SERGEF: variants seen among roughly 807,000 people sequenced by gnomAD.
SERGEF encodes the protein secretion regulating guanine nucleotide exchange factor, also known as secretion-regulating guanine nucleotide exchange factor.
SERGEF carries 51 observed loss-of-function variants against 50.0 expected under a neutral mutation model. The ratio of observed to expected loss-of-function variants is 1.02; its 90% CI spans 0.81 to 1.29. SERGEF has a LOEUF of 1.29. SERGEF is among the 50% of genes most tolerant of loss of function. SERGEF has a pLI of 0.00. For missense variants in SERGEF, 521 were observed against 557.0 expected, an observed-to-expected ratio of 0.94 and a Z score of 0.65; for synonymous variants, 205 against 212.4, an observed-to-expected ratio of 0.97 and a Z score of 0.30.
intron 9 of SERGEF, among the ~76,000 whole-genome samples, chr11:17,885,963 G>C (rs1851421104): frequency 6.6e-6 from 1 of 152,106 alleles, no homozygotes; most frequent in Non-Finnish European, 1.5e-5. Flanking sequence ...TCTCCTTTGT[G>C]CTTTTAACAG....
intron 10 of SERGEF, among the ~76,000 whole-genome samples, chr11:17,846,147 T>C (rs1360616217): frequency 6.6e-6 from 1 of 152,200 alleles, no homozygotes; most frequent in Non-Finnish European, 1.5e-5. Flanking sequence ...ATTCTCAAGG[T>C]TGGTGGTGCC....
At chr11:17,977,550 A>C (rs1326661008) in intron 8 of SERGEF, among the ~76,000 whole-genome samples, 1 of 152,202 alleles carries the variant, frequency 6.6e-6, no homozygotes, top group Non-Finnish European at 1.5e-5. Context: ...CTCCCCCAGA[A>C]GCTTTCTCCA....
intron 4 of SERGEF, among the ~76,000 whole-genome samples, chr11:18,003,761 C>A (rs1053144010): frequency 2.6e-5 from 4 of 152,030 alleles, no homozygotes; most frequent in Non-Finnish European, 4.4e-5. Flanking sequence ...AAATAACAGG[C>A]AAATCTATAG....
At chr11:17,985,826 A>G (rs1853583172) in intron 8 of SERGEF, among the ~76,000 whole-genome samples, 1 of 152,220 alleles carries the variant, frequency 6.6e-6, no homozygotes, top group African/African-American at 2.4e-5. Context: ...CTAAGCACCT[A>G]CCACTGGGGA....
At chr11:17,983,008 T>C (rs1853522143) in intron 8 of SERGEF, among the ~76,000 whole-genome samples, 1 of 152,230 alleles carries the variant, frequency 6.6e-6, no homozygotes, top group African/African-American at 2.4e-5. Flanking sequence ...AGTTGCTTCT[T>C]CCATCATTGA....
Position 18,012,987 on chromosome 11 carries a change from C to G in SERGEF, c.24G>C (p.Ser8=), listed in dbSNP as rs1854233376. The part of the protein sequence containing the change: MEREPSA[S]EAAPAAAALF... ...GCGCGGCCGCCGCGGGGGCGGCCTC[C>G]GAGGCGCTGGGCTCGCGCTCCATGC... is the stretch of plus-strand genomic sequence containing the variant. Residue 8 remains serine, a synonymous_variant, in exon 1 of 11, where the codon TCG becomes TCC. Coordinates refer to ENST00000265965, the MANE Select transcript of SERGEF (RefSeq NM_012139.4). The G allele has an allele frequency of 6.8e-7, 1 of 1,462,156 alleles. No homozygotes were observed. The highest frequency in any genetic ancestry group is 9.0e-7 in the Non-Finnish European group (1 of 1,116,908). 90.6% of individuals were successfully genotyped at this position (1,462,156 alleles called of 1,614,324 possible). A position where few individuals can be genotyped will look rare whatever the true frequency, so the allele number is the denominator to read the frequency against.
At chr11:17,915,859 C>T (rs1237197847) in intron 9 of SERGEF, among the ~76,000 whole-genome samples, 1 of 152,190 alleles carries the variant, frequency 6.6e-6, no homozygotes, top group Admixed American at 6.5e-5. Flanking sequence ...CAATGCCAGG[C>T]TACATGGGAA....
chr11:18,005,607 T>C (rs887685807), intron 3 of SERGEF, among the ~76,000 whole-genome samples: 4 of 152,156 alleles, frequency 2.6e-5, no homozygotes, highest in Admixed American at 2.6e-4. Context: ...CAAAGGACCG[T>C]GGCAAAGAGG....
chr11:17,944,687 T>C (rs370027741), intron 9 of SERGEF, among the ~76,000 whole-genome samples: 2 of 152,340 alleles, frequency 1.3e-5, no homozygotes, highest in African/African-American at 4.8e-5. Flanking sequence ...GGAATTGAGA[T>C]GAGATTCAAT....
chr11:17,989,708 A>G (rs929440597), intron 7 of SERGEF, among the ~76,000 whole-genome samples: 1 of 152,240 alleles, frequency 6.6e-6, no homozygotes, highest in Non-Finnish European at 1.5e-5. Context: ...CCAATACAGT[A>G]GTTCACCACC....
At chr11:18,001,570 C>G (rs985525560) in intron 4 of SERGEF, among the ~76,000 whole-genome samples, 2 of 152,186 alleles carry the variant, frequency 1.3e-5, no homozygotes, top group Non-Finnish European at 1.5e-5. Flanking sequence ...GCTAACATCT[C>G]AACTGTAACT....
chr11:17,961,883 T>C (rs1213230127), intron 8 of SERGEF, among the ~76,000 whole-genome samples: 1 of 152,212 alleles, frequency 6.6e-6, no homozygotes, highest in Non-Finnish European at 1.5e-5. Context: ...CTTTTATTTT[T>C]CCTTTTCTTT....
intron 10 of SERGEF, among the ~76,000 whole-genome samples, chr11:17,815,529 C>T (rs537244412): frequency 1.3e-5 from 2 of 151,228 alleles, no homozygotes; most frequent in Admixed American, 6.6e-5. Flanking sequence ...GCAGAAGAAT[C>T]GCTTGAACTC....
rs867684841 is a variant in SERGEF at position 17,896,758 on chromosome 11, G to C, written c.1012-18514C>G. Among the ~76,000 whole-genome samples the C allele has an allele frequency of 6.6e-3, 421 of 63,930 alleles. 4 individuals carry two copies. The highest frequency in any genetic ancestry group is 0.01 in the East Asian group (25 of 2,470). The allele number at this position is 63,930 out of a possible 152,430, so 41.9% of individuals were successfully genotyped here. A position where few individuals can be genotyped will look rare whatever the true frequency, so the allele number is the denominator to read the frequency against. ...TAACGGAAGGGTAACGGAAGGGTAA[G>C]GGAAGGGAAGGGTAAGGGAAGGGTA... On this transcript the variant is annotated intron_variant, in intron 9 of 10. Coordinates refer to ENST00000265965, the MANE Select transcript of SERGEF (RefSeq NM_012139.4).
chr11:18,009,295 G>C, intron 1 of SERGEF, among the ~76,000 whole-genome samples: 1 of 152,128 alleles, frequency 6.6e-6, no homozygotes. Flanking sequence ...TATGAGAAGA[G>C]TCCTAGGCAT....
chr11:17,924,988 C>T (rs189110527), intron 9 of SERGEF, among the ~76,000 whole-genome samples: 1 of 152,266 alleles, frequency 6.6e-6, no homozygotes, highest in African/African-American at 2.4e-5. Flanking sequence ...GGGATCCCGG[C>T]CAGCAATTTT....
At chr11:17,871,678 T>C (rs1306060771) in intron 10 of SERGEF, among the ~76,000 whole-genome samples, 1 of 152,116 alleles carries the variant, frequency 6.6e-6, no homozygotes, top group Non-Finnish European at 1.5e-5. Flanking sequence ...AAATGGCCTA[T>C]AAGCATGTAA....
At chr11:17,837,032 T>C (rs1850413342) in intron 10 of SERGEF, among the ~76,000 whole-genome samples, 1 of 152,320 alleles carries the variant, frequency 6.6e-6, no homozygotes, top group South Asian at 2.1e-4. Context: ...AGCTATCTTT[T>C]AGAGGTATAA....
intron 7 of SERGEF, among the ~76,000 whole-genome samples, chr11:17,990,550 A>T (rs1853691585): frequency 6.6e-6 from 1 of 152,228 alleles, no homozygotes; most frequent in Non-Finnish European, 1.5e-5. Context: ...CTGTGTAAAC[A>T]ACTTCACTTA....
Sources: gnomAD v4.1 joint callset for allele counts (sites outside exome capture counted in the v4.1 genomes callset) on GRCh38, gnomAD v4.1.1 for gene constraint, MANE v1.5 for transcripts, NCBI Gene and HGNC (gene_info 2026-07-23, HGNC 2026-07-21) for gene names.